Variants in CDH12 observed in about 807,000 individuals in gnomAD.
CDH12 encodes cadherin-12.
Under a neutral mutation model 74.1 loss-of-function variants are expected in CDH12, and 41 were observed. The ratio of observed to expected loss-of-function variants is 0.55; its 90% confidence interval spans 0.43 to 0.72. The LOEUF (loss-of-function observed/expected upper bound fraction) is 0.72. Ranked by LOEUF, CDH12 falls within the 30% of genes least tolerant of loss-of-function variation. The pLI is 0.00. For synonymous variants in CDH12, 399 were observed against 355.0 expected (o/e 1.12, Z -1.39); for missense variants, 945 against 977.2 (o/e 0.97, Z 0.44).
chr5:22,008,764 T>C (rs897491309), intron 5 of CDH12, among the ~76,000 whole-genome samples: 25 of 152,228 alleles, frequency 1.6e-4, no homozygotes, highest in Admixed American at 1.2e-3. Flanking sequence ...GTCCCAGATA[T>C]CTGGGATTGC....
chr5:22,359,737 A>G (rs890923844), intron 3 of CDH12, among the ~76,000 whole-genome samples: 2 of 152,210 alleles, frequency 1.3e-5, no homozygotes, highest in Admixed American at 1.3e-4. Context: ...TGTCTCTCAG[A>G]CCACAGTGCA....
chr5:22,340,026 C>A (rs541654438), intron 3 of CDH12, among the ~76,000 whole-genome samples: 3 of 152,246 alleles, frequency 2.0e-5, no homozygotes, highest in African/African-American at 7.2e-5. Context: ...TCATTTTAAA[C>A]ACTTACAAGA....
chr5:22,008,945 A>G (rs535484953), intron 5 of CDH12, among the ~76,000 whole-genome samples: 10 of 152,270 alleles, frequency 6.6e-5, no homozygotes, highest in Non-Finnish European at 1.3e-4. Flanking sequence ...ATCCTCTTCT[A>G]TGGCGTAGAA....
chr5:22,141,556 A>G (rs1746795837), intron 4 of CDH12: 1 of 152,220 alleles, frequency 6.6e-6, no homozygotes, highest in Non-Finnish European at 1.5e-5. Flanking sequence ...CAGGCTGGCC[A>G]GCAAGGATTT....
At chr5:22,561,556 G>A (rs1012957850) in intron 1 of CDH12, among the ~76,000 whole-genome samples, 1 of 151,548 alleles carries the variant, frequency 6.6e-6, no homozygotes, top group Non-Finnish European at 1.5e-5. Context: ...TCCTATCTTT[G>A]GCCTGGTGGG....
At chr5:21,771,877 C>T (rs1346364500) in intron 11 of CDH12, among the ~76,000 whole-genome samples, 6 of 152,054 alleles carry the variant, frequency 3.9e-5, no homozygotes, top group Non-Finnish European at 5.9e-5. Context: ...AGCTATCTGT[C>T]GTGTCATGTG....
At chr5:22,465,457 G>A (rs1745689269) in intron 2 of CDH12, among the ~76,000 whole-genome samples, 1 of 152,098 alleles carries the variant, frequency 6.6e-6, no homozygotes, top group Admixed American at 6.5e-5. Flanking sequence ...ACCAGCCTGG[G>A]TAACATAGGG....
intron 3 of CDH12, among the ~76,000 whole-genome samples, chr5:22,402,247 T>C (rs1742758557): frequency 6.6e-6 from 1 of 152,166 alleles, no homozygotes; most frequent in African/African-American, 2.4e-5. Flanking sequence ...ATATTAAGAC[T>C]ATTGTGATGA....
intron 1 of CDH12, among the ~76,000 whole-genome samples, chr5:22,611,525 C>T (rs992627903): frequency 2.0e-5 from 3 of 152,048 alleles, no homozygotes; most frequent in Non-Finnish European, 4.4e-5. Context: ...GGGAAACCAG[C>T]AGGAACAATG....
At chr5:22,404,766 T>A (rs1340513374) in intron 3 of CDH12, among the ~76,000 whole-genome samples, 1 of 152,218 alleles carries the variant, frequency 6.6e-6, no homozygotes, top group Non-Finnish European at 1.5e-5. Flanking sequence ...AATGCCAGCG[T>A]TTCTGTGTTT....
intron 4 of CDH12, among the ~76,000 whole-genome samples, chr5:22,204,848 T>C (rs1025307471): frequency 6.6e-5 from 10 of 152,308 alleles, no homozygotes; most frequent in Admixed American, 1.3e-4. Context: ...TCTTGGCCTC[T>C]CTGTTTAAGT....
intron 9 of CDH12, among the ~76,000 whole-genome samples, chr5:21,810,420 C>T (rs1747686594): frequency 6.6e-6 from 1 of 151,936 alleles, no homozygotes; most frequent in African/African-American, 2.4e-5. Flanking sequence ...GCCTTTGTGC[C>T]CTATTTGGCA....
intron 3 of CDH12, among the ~76,000 whole-genome samples, chr5:22,372,891 C>T (rs34887838): frequency 0.34 from 51,522 of 151,932 alleles, 10,242 homozygotes; most frequent in Admixed American, 0.46. Context: ...GCCACTTCCA[C>T]TTCCATGGGC....
intron 3 of CDH12, among the ~76,000 whole-genome samples, chr5:22,403,699 C>T (rs530772799): frequency 3.3e-5 from 5 of 152,196 alleles, no homozygotes; most frequent in South Asian, 4.1e-4. Context: ...ACCAAGAAGC[C>T]GGAGACTATG....
At chr5:22,329,342 G>C (rs1403265549) in intron 3 of CDH12, among the ~76,000 whole-genome samples, 1 of 152,156 alleles carries the variant, frequency 6.6e-6, no homozygotes, top group Non-Finnish European at 1.5e-5. Context: ...AAGGAAACAA[G>C]AAAGTAAAAA....
At chr5:21,786,497 G>GAA (rs1020502111) in intron 10 of CDH12, among the ~76,000 whole-genome samples, 2 of 145,128 alleles carry the variant, frequency 1.4e-5, no homozygotes, top group Non-Finnish European at 3.0e-5. Context: ...CACAGCTCAG[G>GAA]AAAAAAAAAA....
At chr5:22,752,559 TTTTTTTTTTTTTTTC>T (rs1209884946) in intron 1 of CDH12, among the ~76,000 whole-genome samples, 669 of 20,400 alleles carry the variant, frequency 0.033, 90 homozygotes, top group African/African-American at 0.073. Flanking sequence ...TTTTTTTTTT[TTTTTTTTTTTTTTTC>T]TTTTTTTTTT....
intron 1 of CDH12, among the ~76,000 whole-genome samples, chr5:22,611,313 T>C (rs923106826): frequency 6.6e-6 from 1 of 152,188 alleles, no homozygotes; most frequent in African/African-American, 2.4e-5. Flanking sequence ...AATTAAGTCA[T>C]AGACTTGATG....
At chr5:22,721,382 C>CT (rs1307984099) in intron 1 of CDH12, among the ~76,000 whole-genome samples, 33 of 152,358 alleles carry the variant, frequency 2.2e-4, no homozygotes, top group Middle Eastern at 3.4e-3. Flanking sequence ...TTGCATGGGG[C>CT]TTATAGCCCC....
Sources: allele counts gnomAD v4.1 joint callset (sites outside exome capture counted in the v4.1 genomes callset), GRCh38; gene constraint gnomAD v4.1.1; transcripts MANE v1.5; gene names NCBI Gene and HGNC (gene_info 2026-07-23, HGNC 2026-07-21).